DCLRE1B: variants seen among roughly 807,000 people sequenced by gnomAD.
DCLRE1B encodes DNA cross-link repair 1B.
In DCLRE1B, 6 loss-of-function variants were observed where a neutral mutation model predicts 19.8. The observed-to-expected ratio is 0.30, with a 90% CI of 0.17 to 0.60. The LOEUF (loss-of-function observed/expected upper bound fraction) is 0.60, where lower values mean the gene tolerates loss of function less well. DCLRE1B is among the 20% of genes least tolerant of loss of function. DCLRE1B has a pLI of 0.87. For synonymous variants in DCLRE1B, 258 were observed against 255.7 expected (o/e 1.01, Z -0.09); for missense variants, 622 against 654.2 (o/e 0.95, Z 0.54).
At chr1:113,906,945 A>G (rs1226756590) in intron 1 of DCLRE1B, 51 bp from the exon 2 acceptor site, 4 of 1,598,810 alleles carry the variant, frequency 2.5e-6, no homozygotes, top group Non-Finnish European at 3.4e-6. Context: ...TGACCCGGGG[A>G]GGTAACGGAG....
At chr1:113,904,701 G>A (rs779317936), upstream of DCLRE1B, 8 of 1,612,440 alleles carry the variant, frequency 5.0e-6, no homozygotes, top group East Asian at 1.8e-4. Flanking sequence ...CACGTCCTCG[G>A]AGCCAAGGTA....
At chr1:113,906,657 AT>A (rs990215313) in intron 1 of DCLRE1B, among the ~76,000 whole-genome samples, 2 of 150,522 alleles carry the variant, frequency 1.3e-5, no homozygotes, top group African/African-American at 4.9e-5. Context: ...CGCCTGGCTA[AT>A]TTTTTTTGTA....
chr1:113,908,228 A>G (rs1477954602), intron 3 of DCLRE1B, 37 bp downstream of exon 3: 11 of 1,593,802 alleles, frequency 6.9e-6, no homozygotes, highest in Middle Eastern at 1.7e-4. Context: ...TCACCTGTAG[A>G]TAGTGAACTA....
chr1:113,906,232 A>AT (rs1297877368), intron 1 of DCLRE1B, among the ~76,000 whole-genome samples: 1 of 148,068 alleles, frequency 6.8e-6, no homozygotes, highest in African/African-American at 2.5e-5. Context: ...AATTTTTTGT[A>AT]TTTTTTGTGG....
At chr1:113,908,961 C>T (rs573372100) in intron 3 of DCLRE1B, among the ~76,000 whole-genome samples, 1 of 152,282 alleles carries the variant, frequency 6.6e-6, no homozygotes, top group South Asian at 2.1e-4. Context: ...TGCTGTTAAG[C>T]CATTTTGGAC....
At chr1:113,906,566 C>T (rs1302934411) in intron 1 of DCLRE1B, among the ~76,000 whole-genome samples, 1 of 151,476 alleles carries the variant, frequency 6.6e-6, no homozygotes, top group African/African-American at 2.4e-5. Context: ...ACTCGGCTCA[C>T]TGCAAGCTCC....
Position 113,911,998 on chromosome 1 carries a change from C to A in DCLRE1B, c.1406C>A (p.Ala469Asp). Residue 469 changes from alanine (A) to aspartate (D), a missense_variant, in exon 4 of 4, where the codon GCC (alanine) becomes GAC (aspartate). Physicochemically the swap from Ala to Asp is moderately radical, Grantham distance 126. Around this residue, in one of 3 missense-constraint regions of DCLRE1B, gnomAD observed 382 missense variants for 412.5 expected, o/e 0.93. Coordinates refer to ENST00000650450, the MANE Select transcript of DCLRE1B (RefSeq NM_022836.4). ...GGAGATGATGATGGAGGTCCAGAAG[C>A]CACAGGGAATCAGAGTGCCTGGATG... ...PMGDDDGGPE[A>D]TGNQSAWMGH... 1.2e-6 allele frequency: 2 copies of A among 1,614,184 alleles called. No individual in the cohort carries two copies. Among genetic ancestry groups the A allele is most frequent in the South Asian group, 2.2e-5 (2 of 91,084 alleles).
At chr1:113,904,796 G>C, upstream of DCLRE1B, 1 of 1,213,110 alleles carries the variant, frequency 8.2e-7, no homozygotes, top group Non-Finnish European at 1.2e-6. Context: ...GTGGGAGCCT[G>C]AGTAAAGGAA....
At position 113,907,104 on chromosome 1, in the gene DCLRE1B, T is replaced by C; in HGVS notation, c.298T>C (p.Cys100Arg). ...MTVTLLDANH[C>R]PGSVMFLFEG... is the part of the protein sequence containing the mutation. ...CGTAACCCTCCTCGATGCCAATCACTGTCCTGGTTCTGTCATGTTTCTCTT... is the reference window on the plus strand; with the variant it reads ...CGTAACCCTCCTCGATGCCAATCACCGTCCTGGTTCTGTCATGTTTCTCTT... Residue 100 changes from cysteine to arginine, a missense_variant, in exon 2 of 4, where the codon TGT becomes CGT. This residue lies in a region of DCLRE1B where 237 missense variants were observed against 223.8 expected (regional missense o/e 1.06). Coordinates refer to ENST00000650450, the MANE Select transcript of DCLRE1B (RefSeq NM_022836.4). 1 of 1,613,262 alleles carries C rather than the reference T, an allele frequency of 6.2e-7. No homozygotes were observed. Among genetic ancestry groups the C allele is most frequent in the Non-Finnish European group, 8.5e-7 (1 of 1,179,814 alleles).
Position 113,907,090 on chromosome 1 carries a change from T to G in DCLRE1B, c.284T>G (p.Leu95Arg). 1 of 1,613,246 alleles carries G rather than the reference T, an allele frequency of 6.2e-7. No homozygotes were observed. Among genetic ancestry groups the G allele is most frequent in the East Asian group, 2.2e-5 (1 of 44,868 alleles). Reference sequence around the variant, plus strand: ...CAAGAGACCATGACCGTAACCCTCCTCGATGCCAATCACTGTCCTGGTTCT... The same window carrying G: ...CAAGAGACCATGACCGTAACCCTCCGCGATGCCAATCACTGTCCTGGTTCT... ...IGQETMTVTL[L>R]DANHCPGSVM... is the part of the protein sequence containing the mutation. The change falls in exon 2 of 4, where the codon CTC becomes CGC. Residue 95 changes from leucine to arginine, a missense_variant. Leu to Arg is a moderately radical substitution (Grantham distance 102). Transcript: ENST00000650450.
intron 3 of DCLRE1B, among the ~76,000 whole-genome samples, chr1:113,908,424 A>G (rs1024136126): frequency 2.6e-5 from 4 of 152,232 alleles, no homozygotes; most frequent in African/African-American, 7.2e-5. Context: ...CTTGGGCAAC[A>G]TGGCAAGACC....
intron 1 of DCLRE1B, 23 bp from the exon 2 acceptor site, chr1:113,906,973 G>T: frequency 6.2e-7 from 1 of 1,613,232 alleles, no homozygotes; most frequent in Non-Finnish European, 8.5e-7. Flanking sequence ...AGTGGTCACT[G>T]GGATGACTAA....
intron 3 of DCLRE1B, among the ~76,000 whole-genome samples, chr1:113,910,918 C>T (rs1669228350): frequency 1.3e-5 from 2 of 152,168 alleles, no homozygotes; most frequent in South Asian, 4.1e-4. Context: ...TTGCTAGATG[C>T]TCTCTTTTGT....
chr1:113,904,929 C>G, upstream of DCLRE1B: 1 of 546,494 alleles, frequency 1.8e-6, no homozygotes, highest in Non-Finnish European at 3.3e-6. Flanking sequence ...ACCCTAGGCT[C>G]TTCAGGCCCT....
intron 1 of DCLRE1B, among the ~76,000 whole-genome samples, chr1:113,906,349 C>T (rs1415772124): frequency 6.6e-6 from 1 of 151,978 alleles, no homozygotes; most frequent in Non-Finnish European, 1.5e-5. Flanking sequence ...TGAGCCACCA[C>T]GCCCCGCCTA....
chr1:113,912,306 A>T lies in DCLRE1B; in HGVS notation c.*115A>T. On this transcript the variant is annotated 3_prime_UTR_variant, in exon 4 of 4. Transcript: ENST00000650450. The stretch of plus-strand genomic sequence containing the variant: ...GGGCCTACTTTTCTATCTTTACAAG[A>T]CTCTTATGGGCCCACCGTGGAGCAG... The T allele has an allele frequency of 9.1e-7, 1 of 1,101,352 alleles. No homozygotes were observed. The highest frequency in any genetic ancestry group is 1.3e-6 in the Non-Finnish European group (1 of 788,608). 68.2% of individuals were successfully genotyped at this position (1,101,352 alleles called of 1,614,324 possible). A position where few individuals can be genotyped will look rare whatever the true frequency, so the allele number is the denominator to read the frequency against.
intron 1 of DCLRE1B, among the ~76,000 whole-genome samples, chr1:113,906,145 C>T (rs1209589999): frequency 2.7e-5 from 4 of 150,134 alleles, no homozygotes; most frequent in East Asian, 2.0e-4. Context: ...CAGCCTCCGC[C>T]TCCCGGGTTC....
Position 113,914,029 on chromosome 1 carries a change from A to G in DCLRE1B, c.*1838A>G. 1 of 152,190 alleles carries G rather than the reference A, an allele frequency of 6.6e-6. No homozygotes were observed. Among genetic ancestry groups the G allele is most frequent in the Non-Finnish European group, 1.5e-5 (1 of 68,032 alleles). 9.4% of individuals were successfully genotyped at this position (152,190 alleles called of 1,614,324 possible). On this transcript the variant is annotated 3_prime_UTR_variant, in exon 4 of 4. Transcript: ENST00000650450. ...CCTTAACTAAGCCATTCCCATATTCAACATTTTGTGTACTGTTTTTCTAAT... is the reference window on the plus strand; with the variant it reads ...CCTTAACTAAGCCATTCCCATATTCGACATTTTGTGTACTGTTTTTCTAAT...
intron 3 of DCLRE1B, among the ~76,000 whole-genome samples, chr1:113,909,393 T>A (rs1255850935): frequency 6.6e-6 from 1 of 152,218 alleles, no homozygotes; most frequent in Non-Finnish European, 1.5e-5. Context: ...ATGTAATAGA[T>A]TTGGTTCTAA....
Sources: allele counts gnomAD v4.1 joint callset (sites outside exome capture counted in the v4.1 genomes callset), GRCh38; gene constraint gnomAD v4.1.1; regional missense constraint gnomAD v4.1.1; transcripts MANE v1.5; gene names NCBI Gene and HGNC (gene_info 2026-07-23, HGNC 2026-07-21).